Variants in ERC2 observed in about 807,000 individuals in gnomAD.
ERC2 encodes the protein ELKS/RAB6-interacting/CAST family member 2.
Under a neutral mutation model 114.8 loss-of-function variants are expected in ERC2, and 42 were observed. The ratio of observed to expected loss-of-function variants is 0.37; its 90% CI spans 0.29 to 0.47. ERC2 has a LOEUF of 0.47. Ranked by LOEUF, ERC2 falls within the 20% of genes least tolerant of loss-of-function variation. The pLI, the probability that ERC2 is intolerant of heterozygous loss-of-function variation, is 0.99. For missense variants in ERC2, 939 were observed against 1,150.7 expected (o/e 0.82, Z 2.66); for synonymous variants, 454 against 425.5 (o/e 1.07, Z -0.82).
intron 2 of ERC2, among the ~76,000 whole-genome samples, chr3:56,317,095 G>A (rs116192652): frequency 0.017 from 2,577 of 152,270 alleles, 86 homozygotes; most frequent in African/African-American, 0.059. Flanking sequence ...ATGAGGAGAC[G>A]CAATCACAAC....
intron 17 of ERC2, among the ~76,000 whole-genome samples, chr3:55,576,992 A>T (rs1260898033): frequency 6.6e-6 from 1 of 152,232 alleles, no homozygotes; most frequent in African/African-American, 2.4e-5. Context: ...TTAAAGATCA[A>T]AAGACAAGCT....
At chr3:56,446,609 T>C (rs1230743504) in intron 1 of ERC2, among the ~76,000 whole-genome samples, 1 of 143,694 alleles carries the variant, frequency 7.0e-6, no homozygotes, top group African/African-American at 2.6e-5. Flanking sequence ...GCGCATTTTC[T>C]TCTTTTTTTT....
chr3:56,211,612 T>C lies in ERC2; in HGVS notation c.1075-38092A>G, dbSNP rs150823135. ...TAGAAAAAAAAAATCCTAAAATTCATGTGGAACCAAAAAAGAACCCACATA... is the reference window on the plus strand; with the variant it reads ...TAGAAAAAAAAAATCCTAAAATTCACGTGGAACCAAAAAAGAACCCACATA... On this transcript the variant is annotated intron_variant, in intron 3 of 17. Coordinates refer to ENST00000288221, the MANE Select transcript of ERC2 (RefSeq NM_015576.3). Among the ~76,000 whole-genome samples the C allele has an allele frequency of 2.6e-3, 396 of 152,010 alleles. 1 individual carries two copies. The highest frequency in any genetic ancestry group is 0.018 in the South Asian group (86 of 4,824).
At chr3:55,984,782 A>C (rs1281418714) in intron 12 of ERC2, among the ~76,000 whole-genome samples, 1 of 152,212 alleles carries the variant, frequency 6.6e-6, no homozygotes, top group Non-Finnish European at 1.5e-5. Context: ...AAGTTCAGGC[A>C]GTTCTTGGGG....
At chr3:55,939,880 T>C (rs746780487) in intron 13 of ERC2, among the ~76,000 whole-genome samples, 3 of 152,238 alleles carry the variant, frequency 2.0e-5, no homozygotes, top group Non-Finnish European at 2.9e-5. Context: ...AGAGTTCTAA[T>C]CCATCTTGCA....
intron 7 of ERC2, among the ~76,000 whole-genome samples, chr3:56,050,424 A>G (rs1384876486): frequency 6.6e-6 from 1 of 152,122 alleles, no homozygotes; most frequent in East Asian, 1.9e-4. Flanking sequence ...TCAGTTTCAT[A>G]AGCAAAAGGC....
chr3:55,989,997 G>A (rs2070930919), intron 11 of ERC2, among the ~76,000 whole-genome samples: 1 of 152,082 alleles, frequency 6.6e-6, no homozygotes, highest in Non-Finnish European at 1.5e-5. Flanking sequence ...TCTCAGGAAG[G>A]TCATTTAACT....
Position 56,300,684 on chromosome 3 carries a change from A to G in ERC2, c.658-4249T>C, listed in dbSNP as rs146383506. 6.6e-5 allele frequency among the ~76,000 whole-genome samples: 10 copies of G among 152,360 alleles called. No individual in the cohort carries two copies. The East Asian group carries it at 1.9e-3, about 29-fold the overall frequency. ...CCTCAGAACCACCCTAAAAGGTAGC[A>G]ACTGTTATGATCTCCACTTAATGCA... is the stretch of plus-strand genomic sequence containing the variant. On this transcript the variant is annotated intron_variant, in intron 2 of 17. Transcript: ENST00000288221.
chr3:56,316,824 T>A (rs2056886418), intron 2 of ERC2, among the ~76,000 whole-genome samples: 1 of 152,188 alleles, frequency 6.6e-6, no homozygotes, highest in African/African-American at 2.4e-5. Context: ...TATAACACAA[T>A]CTCTTATTAT....
intron 14 of ERC2, among the ~76,000 whole-genome samples, chr3:55,818,775 G>T (rs778948488): frequency 6.6e-6 from 1 of 152,202 alleles, no homozygotes; most frequent in Non-Finnish European, 1.5e-5. Context: ...TTTTTAAAGT[G>T]CCTCCAAACT....
chr3:55,995,310 C>T (rs923626048), intron 10 of ERC2, among the ~76,000 whole-genome samples: 33 of 151,104 alleles, frequency 2.2e-4, no homozygotes, highest in Admixed American at 6.7e-4. Context: ...TCCAGCCTGG[C>T]GACAGAGCGA....
chr3:55,512,178 C>T (rs1192342627), intron 17 of ERC2, among the ~76,000 whole-genome samples: 1 of 152,218 alleles, frequency 6.6e-6, no homozygotes, highest in Non-Finnish European at 1.5e-5. Flanking sequence ...CGCCGACTAA[C>T]AAGAATGCCA....
intron 12 of ERC2, among the ~76,000 whole-genome samples, chr3:55,955,630 C>T (rs917044918): frequency 6.6e-6 from 1 of 152,132 alleles, no homozygotes; most frequent in Non-Finnish European, 1.5e-5. Flanking sequence ...ATTTGATTAG[C>T]TATTTCCTTG....
chr3:56,276,718 G>A (rs1000741735), intron 3 of ERC2, among the ~76,000 whole-genome samples: 4 of 152,140 alleles, frequency 2.6e-5, no homozygotes, highest in African/African-American at 9.7e-5. Context: ...AAAGAACAAC[G>A]CATGTGCTAG....
intron 7 of ERC2, among the ~76,000 whole-genome samples, chr3:56,037,507 G>A (rs2316457): frequency 0.93 from 142,005 of 152,208 alleles, 66,564 homozygotes; most frequent in East Asian, 1. Flanking sequence ...TAGAGAAAAA[G>A]GAATGAAAAG....
chr3:56,326,178 T>C (rs994437170), intron 2 of ERC2, among the ~76,000 whole-genome samples: 1 of 152,084 alleles, frequency 6.6e-6, no homozygotes, highest in Non-Finnish European at 1.5e-5. Context: ...GGAGGCAAAA[T>C]TGCAAAGAAC....
At chr3:55,971,756 T>C (rs1284110086) in intron 12 of ERC2, among the ~76,000 whole-genome samples, 1 of 152,140 alleles carries the variant, frequency 6.6e-6, no homozygotes, top group Non-Finnish European at 1.5e-5. Flanking sequence ...ATATCCTACA[T>C]ACATCTTAAT....
intron 3 of ERC2, among the ~76,000 whole-genome samples, chr3:56,183,020 C>T (rs942168646): frequency 2.0e-5 from 3 of 151,950 alleles, no homozygotes; most frequent in Admixed American, 6.6e-5. Flanking sequence ...ACCAATCAAG[C>T]GTTTATAAAT....
chr3:56,224,382 A>C (rs2050117394), intron 3 of ERC2, among the ~76,000 whole-genome samples: 1 of 152,228 alleles, frequency 6.6e-6, no homozygotes, highest in South Asian at 2.1e-4. Flanking sequence ...AGGAAATAAG[A>C]AAGATAAAAA....
Sources: allele counts gnomAD v4.1 joint callset (sites outside exome capture counted in the v4.1 genomes callset), GRCh38; gene constraint gnomAD v4.1.1; transcripts MANE v1.5; gene names NCBI Gene and HGNC (gene_info 2026-07-23, HGNC 2026-07-21).